MAP2K5: variants seen among roughly 807,000 people sequenced by gnomAD.
MAP2K5 encodes the protein dual specificity mitogen-activated protein kinase kinase 5.
MAP2K5 carries 49 observed loss-of-function variants against 83.1 expected under a neutral mutation model. The ratio of observed to expected loss-of-function variants is 0.59; its 90% CI spans 0.47 to 0.75. MAP2K5 has a LOEUF of 0.75. Among genes scored for constraint, MAP2K5 ranks in the 30% least tolerant of loss-of-function variants. The pLI, the probability that MAP2K5 is intolerant of heterozygous loss-of-function variation, is 0.00. For synonymous variants in MAP2K5, 202 were observed against 191.8 expected, an observed-to-expected ratio of 1.05 and a Z score of -0.44; for missense variants, 457 against 557.5, an observed-to-expected ratio of 0.82 and a Z score of 1.82.
chr15:67,710,793 G>A (rs565277051), intron 16 of MAP2K5, among the ~76,000 whole-genome samples: 1 of 152,042 alleles, frequency 6.6e-6, no homozygotes, highest in East Asian at 1.9e-4. Flanking sequence ...CATGAGCCAC[G>A]GCACCTGGCC....
chr15:67,710,101 A>G (rs185726427), intron 16 of MAP2K5, among the ~76,000 whole-genome samples: 52 of 152,208 alleles, frequency 3.4e-4, no homozygotes, highest in African/African-American at 1.2e-3. Flanking sequence ...GGTTCAAGCG[A>G]TCCTCCCTCC....
At chr15:67,737,206 G>T (rs2089360747) in intron 17 of MAP2K5, among the ~76,000 whole-genome samples, 1 of 152,202 alleles carries the variant, frequency 6.6e-6, no homozygotes. Context: ...CTCTGTGCCT[G>T]CCAGGTAATT....
In MAP2K5 at chr15:67,740,589, T is replaced by C. The variant is rs1039550176; in HGVS notation, c.1075-7642T>C. On this transcript the variant is annotated intron_variant, in intron 17 of 21. Coordinates refer to ENST00000178640, the MANE Select transcript of MAP2K5 (RefSeq NM_145160.3). ...TCTTGAGCAATAGAGTGAGACCCTG[T>C]CTCAACAAAAAAAAAAGTGTTTCCT... 1.3e-4 allele frequency among the ~76,000 whole-genome samples: 19 copies of C among 151,824 alleles called. No individual in the cohort carries two copies. In the East Asian group the frequency reaches 2.9e-3, roughly 23 times the overall value.
intron 19 of MAP2K5, among the ~76,000 whole-genome samples, chr15:67,761,497 C>G (rs1453185875): frequency 6.6e-6 from 1 of 152,178 alleles, no homozygotes; most frequent in East Asian, 1.9e-4. Flanking sequence ...CTGTTTCCCC[C>G]CTTATCTGTA....
At chr15:67,576,158 C>A (rs1392036786) in intron 3 of MAP2K5, among the ~76,000 whole-genome samples, 1 of 146,494 alleles carries the variant, frequency 6.8e-6, no homozygotes, top group African/African-American at 2.5e-5. Flanking sequence ...CTCAGGTGAT[C>A]TGCCTGCCTT....
Position 67,724,004 on chromosome 15 carries a change from A to T in MAP2K5, c.1045-3912A>T, listed in dbSNP as rs2089030656. Among the ~76,000 whole-genome samples the T allele has an allele frequency of 6.6e-6, 1 of 152,182 alleles. No homozygotes were observed. The highest frequency in any genetic ancestry group is 1.5e-5 in the Non-Finnish European group (1 of 68,026). On this transcript the variant is annotated intron_variant, in intron 16 of 21. Coordinates refer to ENST00000178640, the MANE Select transcript of MAP2K5 (RefSeq NM_145160.3). The surrounding 1 kb of genome is among the most constrained non-coding windows in gnomAD (Gnocchi z 4.4). Reference sequence around the variant, plus strand: ...ATACAGTGCAACTCATAAGCAAATGAGTTTTTTCCTAGTTTTAAACCAAAC... The same window carrying T: ...ATACAGTGCAACTCATAAGCAAATGTGTTTTTTCCTAGTTTTAAACCAAAC...
In MAP2K5 at chr15:67,552,754, T is replaced by A. The variant is rs2084538131; in HGVS notation, c.184+2672T>A. Among the ~76,000 whole-genome samples the A allele has an allele frequency of 6.6e-6, 1 of 152,136 alleles. No individual in the cohort carries two copies. The highest frequency in any genetic ancestry group is 6.5e-5 in the Admixed American group (1 of 15,272). On this transcript the variant is annotated intron_variant, in intron 2 of 21. Transcript: ENST00000178640. This position sits in a 1 kb window ranked among gnomAD's most constrained non-coding sequence, Gnocchi z 4.2. ...ACCCACGAAGTACTTAAAAGGACATTATTAGCTCTGTTTTTTGGTTGAGGA... is the reference window on the plus strand; with the variant it reads ...ACCCACGAAGTACTTAAAAGGACATAATTAGCTCTGTTTTTTGGTTGAGGA...
chr15:67,799,936 G>C (rs1261005445), intron 21 of MAP2K5, among the ~76,000 whole-genome samples: 2 of 152,170 alleles, frequency 1.3e-5, no homozygotes, highest in Admixed American at 6.5e-5. Context: ...ACTCCACGCA[G>C]AGTGGGGGGC....
rs2090002204 is a variant in MAP2K5, at chr15:67,764,263, A to G, written c.1135-5339A>G. On this transcript the variant is annotated intron_variant, in intron 19 of 21. Transcript: ENST00000178640. This position sits in a 1 kb window ranked among gnomAD's most constrained non-coding sequence, Gnocchi z 4.9. ...AGGTTTGAAGGAATGTCTGTTTTGT[A>G]TAAGGAGAAGGGAACAGGACCCAGA... 6.6e-6 allele frequency among the ~76,000 whole-genome samples: 1 copy of G among 152,212 alleles called. No individual in the cohort carries two copies. Among genetic ancestry groups the G allele is most frequent in the Non-Finnish European group, 1.5e-5 (1 of 68,036 alleles).
chr15:67,602,046 T>G (rs1428467634), intron 8 of MAP2K5, among the ~76,000 whole-genome samples: 4 of 152,266 alleles, frequency 2.6e-5, no homozygotes, highest in Non-Finnish European at 5.9e-5. Context: ...TCTTACATGT[T>G]CCTTGGGCCT....
At chr15:67,686,675 A>T (rs1008233568) in intron 13 of MAP2K5, among the ~76,000 whole-genome samples, 5 of 152,056 alleles carry the variant, frequency 3.3e-5, no homozygotes, top group African/African-American at 1.2e-4. Flanking sequence ...TTATGAGAAG[A>T]AGCAAAACTA....
intron 17 of MAP2K5, among the ~76,000 whole-genome samples, chr15:67,744,087 G>A (rs1260906145): frequency 2.0e-5 from 3 of 152,154 alleles, no homozygotes; most frequent in African/African-American, 7.2e-5. Context: ...GATTGAACTA[G>A]ATCATCTCTG....
chr15:67,669,448 T>C (rs2087473359), intron 13 of MAP2K5, among the ~76,000 whole-genome samples: 2 of 151,928 alleles, frequency 1.3e-5, no homozygotes, highest in South Asian at 4.2e-4. Flanking sequence ...CAAGTAGATA[T>C]ATGAGAAACA....
chr15:67,593,676 T>G (rs1375678407), intron 7 of MAP2K5, among the ~76,000 whole-genome samples: 1 of 152,254 alleles, frequency 6.6e-6, no homozygotes, highest in Admixed American at 6.5e-5. Context: ...TTTGATAGCC[T>G]TGGAGGCAGG....
intron 16 of MAP2K5, among the ~76,000 whole-genome samples, chr15:67,727,656 A>G (rs1269842068): frequency 1.3e-5 from 2 of 152,250 alleles, no homozygotes; most frequent in South Asian, 4.1e-4. Context: ...TGAGAATATT[A>G]CTAAGGGAAA....
In MAP2K5 at chr15:67,717,513, G is replaced by A. The variant is rs1447667965; in HGVS notation, c.1045-10403G>A. On this transcript the variant is annotated intron_variant, in intron 16 of 21. Transcript: ENST00000178640. This position sits in a 1 kb window ranked among gnomAD's most constrained non-coding sequence, Gnocchi z 4.1. The stretch of plus-strand genomic sequence containing the variant: ...GTAGAACTGGGCACATGAGAGTGTG[G>A]GCTGACATGAGTGTCAGAGAAAGCA... 6.6e-6 allele frequency among the ~76,000 whole-genome samples: 1 copy of A among 152,134 alleles called. No homozygotes were observed. The highest frequency in any genetic ancestry group is 1.5e-5 in the Non-Finnish European group (1 of 68,018).
chr15:67,667,020 C>T (rs900525005), intron 13 of MAP2K5, among the ~76,000 whole-genome samples: 2 of 152,172 alleles, frequency 1.3e-5, no homozygotes, highest in African/African-American at 4.8e-5. Context: ...TTCATGGAAA[C>T]TTTTACCTTC....
chr15:67,609,751 C>T (rs748859021), intron 8 of MAP2K5, among the ~76,000 whole-genome samples: 1 of 151,600 alleles, frequency 6.6e-6, no homozygotes, highest in Non-Finnish European at 1.5e-5. Flanking sequence ...AAGAGGTGCT[C>T]AGGAAGACCT....
rs2085083132 is a variant in MAP2K5 at position 67,577,137 on chromosome 15, TTG to T, written c.253-3615_253-3614del. ...TTTTTAGTAGAGACGGGGTTTCACCTTGTTAGCCGGGATGGTCTCGATCTCCT... is the reference window on the plus strand; with the variant it reads ...TTTTTAGTAGAGACGGGGTTTCACCTTTAGCCGGGATGGTCTCGATCTCCT... On this transcript the variant is annotated intron_variant, in intron 3 of 21. Coordinates refer to ENST00000178640, the MANE Select transcript of MAP2K5 (RefSeq NM_145160.3). This position sits in a 1 kb window ranked among gnomAD's most constrained non-coding sequence, Gnocchi z 4.1. 6.6e-6 allele frequency among the ~76,000 whole-genome samples: 1 copy of T among 151,450 alleles called. No homozygotes were observed. The highest frequency in any genetic ancestry group is 2.1e-4 in the South Asian group (1 of 4,762).
Sources: allele counts gnomAD v4.1 joint callset (sites outside exome capture counted in the v4.1 genomes callset), GRCh38; gene constraint gnomAD v4.1.1; non-coding constraint Gnocchi (gnomAD v3.1); transcripts MANE v1.5; gene names NCBI Gene and HGNC (gene_info 2026-07-23, HGNC 2026-07-21).